Variants in RALGAPA2 observed in about 807,000 individuals in gnomAD.
RALGAPA2 encodes ral GTPase-activating protein subunit alpha-2.
A neutral mutation model predicts 230.4 loss-of-function variants in RALGAPA2; 139 were observed. That is an observed-to-expected ratio of 0.60 (90% CI 0.53 to 0.69). The LOEUF (loss-of-function observed/expected upper bound fraction) is 0.69, where lower values mean the gene tolerates loss of function less well. Among genes scored for constraint, RALGAPA2 ranks in the 30% least tolerant of loss-of-function variants. The probability of loss-of-function intolerance (pLI) is 0.00; values close to 1 mark genes in which losing one functional copy is unlikely to be tolerated. For missense variants in RALGAPA2, 2,163 were observed against 2,276.0 expected (o/e 0.95, Z 1.01); for synonymous variants, 847 against 837.8 (o/e 1.01, Z -0.19).
rs544612164 is a variant in RALGAPA2 at position 20,531,786 on chromosome 20, A to G, written c.3483T>C (p.Ala1161=). The G allele has an allele frequency of 1.3e-6, 2 of 1,599,558 alleles. No homozygotes were observed. The highest frequency in any genetic ancestry group is 2.7e-5 in the African/African-American group (2 of 74,900). Residue 1161 remains alanine, a synonymous_variant, in exon 27 of 40, where the codon GCT becomes GCC. Transcript: ENST00000202677. ...ATATCCAGACCCCAAGGGAGCAAAC[A>G]GCAATGCATCTTTTTAAAAAGAAGA... ...EEPNEYARCI[A]VCSLGVWICE...
intron 2 of RALGAPA2, among the ~76,000 whole-genome samples, chr20:20,677,807 C>T (rs2068388147): frequency 6.6e-6 from 1 of 151,582 alleles, no homozygotes. Context: ...CCACACCCGG[C>T]TAATTTTTTT....
At chr20:20,502,689 G>A (rs1319389386) in intron 35 of RALGAPA2, among the ~76,000 whole-genome samples, 1 of 152,130 alleles carries the variant, frequency 6.6e-6, no homozygotes, top group Non-Finnish European at 1.5e-5. Context: ...GAGTAAGGTG[G>A]GGATTCTAGG....
chr20:20,625,839 C>T (rs748867670), intron 10 of RALGAPA2, among the ~76,000 whole-genome samples: 4 of 152,156 alleles, frequency 2.6e-5, no homozygotes, highest in Non-Finnish European at 2.9e-5. Flanking sequence ...TCTACCACTG[C>T]CTGGCCTTCC....
chr20:20,566,951 A>G (rs370329384), intron 23 of RALGAPA2, among the ~76,000 whole-genome samples: 15 of 152,364 alleles, frequency 9.8e-5, no homozygotes, highest in East Asian at 5.8e-4. Flanking sequence ...ATAAAACACA[A>G]TATTATAGAT....
At chr20:20,521,981 C>T (rs1344962334) in intron 30 of RALGAPA2, among the ~76,000 whole-genome samples, 3 of 152,154 alleles carry the variant, frequency 2.0e-5, no homozygotes, top group Non-Finnish European at 4.4e-5. Flanking sequence ...TTGACTATGT[C>T]CTCTTCCTAG....
rs899335660 is a variant in RALGAPA2 at position 20,520,907 on chromosome 20, G to T, written c.4084+10C>A. On this transcript the variant is annotated intron_variant, in intron 31 of 39. Transcript: ENST00000202677. ...TTCCCACAAGATTTCATACCTGAAA[G>T]AATACTCACCCTCTTCAACAGTCAG... The T allele has an allele frequency of 1.1e-5, 17 of 1,566,690 alleles. No homozygotes were observed. The highest frequency in any genetic ancestry group is 1.4e-5 in the Non-Finnish European group (16 of 1,146,574).
chr20:20,566,045 G>A (rs1478764611), intron 23 of RALGAPA2, among the ~76,000 whole-genome samples: 1 of 152,244 alleles, frequency 6.6e-6, no homozygotes, highest in Non-Finnish European at 1.5e-5. Flanking sequence ...TCACAAGGCT[G>A]TTCCAGCAGA....
At chr20:20,467,382 G>GC (rs2061441166) in intron 37 of RALGAPA2, among the ~76,000 whole-genome samples, 1 of 152,196 alleles carries the variant, frequency 6.6e-6, no homozygotes, top group Non-Finnish European at 1.5e-5. Context: ...AAGGATCCAT[G>GC]CAACATTCCA....
intron 39 of RALGAPA2, among the ~76,000 whole-genome samples, chr20:20,394,290 A>G (rs1400873619): frequency 1.3e-5 from 2 of 152,162 alleles, no homozygotes; most frequent in Non-Finnish European, 2.9e-5. Flanking sequence ...CCTGAAATTC[A>G]GTACTTTCAG....
chr20:20,500,790 A>T (rs1569447851), intron 35 of RALGAPA2, among the ~76,000 whole-genome samples: 1 of 152,220 alleles, frequency 6.6e-6, no homozygotes, highest in East Asian at 1.9e-4. Context: ...TGACAGCCAT[A>T]GCCTTATGAA....
At chr20:20,393,323 G>A in intron 39 of RALGAPA2, 70 bp from the exon 40 acceptor site, 1 of 1,140,356 alleles carries the variant, frequency 8.8e-7, no homozygotes, top group Admixed American at 3.3e-5. Context: ...ATTTCAGGGA[G>A]GATCTGTGGC....
Position 20,516,544 on chromosome 20 carries a change from G to A in RALGAPA2, c.4085-3260C>T, listed in dbSNP as rs1023061308. On this transcript the variant is annotated intron_variant, in intron 31 of 39. Transcript: ENST00000202677. ...AGCCACCAGAGGTCCTGAGCCTGTC[G>A]AAGTTAAAGTTAACTACAATTAAAA... Among the ~76,000 whole-genome samples the A allele has an allele frequency of 2.6e-5, 4 of 152,170 alleles. No homozygotes were observed. In the East Asian group the frequency reaches 5.8e-4, roughly 22 times the overall value.
chr20:20,706,610 C>G (rs1007598074), intron 1 of RALGAPA2, among the ~76,000 whole-genome samples: 10 of 152,122 alleles, frequency 6.6e-5, no homozygotes, highest in Non-Finnish European at 1.3e-4. Flanking sequence ...ATGATAATCC[C>G]AAGTCTCCCT....
chr20:20,420,148 T>C (rs1314737772), intron 37 of RALGAPA2, among the ~76,000 whole-genome samples: 2 of 152,076 alleles, frequency 1.3e-5, no homozygotes, highest in East Asian at 1.9e-4. Flanking sequence ...GGGAAGGAAG[T>C]TGGGATACTT....
intron 20 of RALGAPA2, among the ~76,000 whole-genome samples, chr20:20,573,969 T>C (rs192035402): frequency 1.3e-5 from 2 of 152,302 alleles, no homozygotes; most frequent in Non-Finnish European, 2.9e-5. Context: ...GATTCCTGGG[T>C]CCGGTCATAA....
At chr20:20,546,669 T>C (rs767764051) in intron 24 of RALGAPA2, 35 bp downstream of exon 24, 111 of 1,558,074 alleles carry the variant, frequency 7.1e-5, no homozygotes, top group Non-Finnish European at 6.8e-5. Flanking sequence ...GTGAAGCCTC[T>C]TGGGAGCTGG....
intron 37 of RALGAPA2, 78 bp downstream of exon 37, chr20:20,472,751 C>T (rs1235877334): frequency 9.3e-6 from 14 of 1,505,726 alleles, no homozygotes; most frequent in Non-Finnish European, 1.2e-5. Flanking sequence ...GTTTTGAATA[C>T]TTACCTCTTA....
intron 35 of RALGAPA2, among the ~76,000 whole-genome samples, chr20:20,499,696 T>A (rs1181654397): frequency 6.6e-6 from 1 of 152,132 alleles, no homozygotes; most frequent in Admixed American, 6.5e-5. Flanking sequence ...CAGGAGGTCA[T>A]TATAGCATGC....
intron 37 of RALGAPA2, among the ~76,000 whole-genome samples, chr20:20,450,849 A>G (rs2060972524): frequency 6.6e-6 from 1 of 152,226 alleles, no homozygotes; most frequent in African/African-American, 2.4e-5. Flanking sequence ...TATCAGTTAC[A>G]TGCAGACACT....
Sources: gnomAD v4.1 joint callset for allele counts (sites outside exome capture counted in the v4.1 genomes callset) on GRCh38, gnomAD v4.1.1 for gene constraint, MANE v1.5 for transcripts, NCBI Gene and HGNC (gene_info 2026-07-23, HGNC 2026-07-21) for gene names.